Variants in DOP1A observed in about 807,000 individuals in gnomAD.
DOP1A encodes DOP1 leucine zipper like protein A, also known as protein DOP1A.
A neutral mutation model predicts 267.6 loss-of-function variants in DOP1A; 90 were observed. That is an observed-to-expected ratio of 0.34 (90% CI 0.28 to 0.40). The LOEUF (loss-of-function observed/expected upper bound fraction) is 0.40, where lower values mean the gene tolerates loss of function less well. DOP1A is among the 10% of genes least tolerant of loss of function. The probability of loss-of-function intolerance (pLI) is 1.00; values close to 1 mark genes in which losing one functional copy is unlikely to be tolerated. For synonymous variants in DOP1A, 932 were observed against 999.1 expected (o/e 0.93, Z 1.27); for missense variants, 2,437 against 2,900.4 (o/e 0.84, Z 3.67).
chr6:83,128,836 A>C, intron 15 of DOP1A, 51 bp from the exon 16 acceptor site: 1 of 1,504,788 alleles, frequency 6.6e-7, no homozygotes, highest in South Asian at 1.4e-5. Flanking sequence ...CTAATTCCTA[A>C]TATGTACACT....
intron 6 of DOP1A, 149 bp downstream of exon 6, chr6:83,110,463 AATT>A (rs1774360023): frequency 1.5e-5 from 12 of 791,594 alleles, no homozygotes; most frequent in Admixed American, 6.9e-5. Flanking sequence ...CCAAAATAAT[AATT>A]ATTATTTTTA....
At chr6:83,096,144 A>G (rs1337288200) in intron 1 of DOP1A, among the ~76,000 whole-genome samples, 1 of 152,082 alleles carries the variant, frequency 6.6e-6, no homozygotes, top group African/African-American at 2.4e-5. Context: ...GTCTTGCTCT[A>G]TCACCCAGTC....
chr6:83,155,953 C>T lies in DOP1A; in HGVS notation c.6454C>T (p.Arg2152Cys), dbSNP rs1487096472. 4 of 1,604,594 alleles carry T rather than the reference C, an allele frequency of 2.5e-6. No individual in the cohort carries two copies. Among genetic ancestry groups the T allele is most frequent in the African/African-American group, 1.3e-5 (1 of 74,302 alleles). Residue 2152 changes from arginine to cysteine, a missense_variant and splice_region_variant, in exon 34 of 39, where the codon CGT becomes TGT. This residue lies in a region of DOP1A where 75 missense variants were observed against 149.6 expected (regional missense o/e 0.50). Transcript: ENST00000349129. ...DKTTFRDLMT[R>C]VAVAQSSSLN... The stretch of plus-strand genomic sequence containing the variant: ...GTCTCTTTCACTTGCTTTTTCAGCT[C>T]GTGTAGCAGTGGCTCAAAGCAGTTC...
At chr6:83,110,434 T>A in intron 6 of DOP1A, 120 bp downstream of exon 6, 2 of 1,038,952 alleles carry the variant, frequency 1.9e-6, no homozygotes, top group Non-Finnish European at 2.7e-6. Context: ...AGCTTACATT[T>A]ATCAAGGAAA....
Position 83,151,669 on chromosome 6 carries a change from T to G in DOP1A, c.5904+10T>G, listed in dbSNP as rs1437482425. On this transcript the variant is annotated intron_variant, in intron 28 of 38. Transcript: ENST00000349129. ...CCAAAGAGACCTTCAGGTAAGGCAG[T>G]CTAAGAGCTGTTGCCAAAACTGTTT... 2 of 1,593,788 alleles carry G rather than the reference T, an allele frequency of 1.3e-6. No individual in the cohort carries two copies. The highest frequency in any genetic ancestry group is 2.2e-5 in the East Asian group (1 of 44,726).
At position 83,131,119 on chromosome 6, in the gene DOP1A, C is replaced by T. The variant is rs189658019; in HGVS notation, c.2616+722C>T. Among the ~76,000 whole-genome samples, 217 of 152,106 alleles carry T rather than the reference C, an allele frequency of 1.4e-3. 1 individual carries two copies. Among genetic ancestry groups the T allele is most frequent in the African/African-American group, 4.9e-3 (204 of 41,496 alleles). ...CATATTGTCTCATTATCATCTGTGG[C>T]GTATAAAGTCACTCAGAAAAAAATT... On this transcript the variant is annotated intron_variant, in intron 17 of 38. Coordinates refer to ENST00000349129, the MANE Select transcript of DOP1A (RefSeq NM_015018.4).
At chr6:83,079,628 A>T (rs1198804151) in intron 1 of DOP1A, among the ~76,000 whole-genome samples, 2 of 152,158 alleles carry the variant, frequency 1.3e-5, no homozygotes, top group African/African-American at 4.8e-5. Context: ...TAATTTTTAA[A>T]TATATTGGTT....
At chr6:83,132,061 A>G (rs1426082930) in intron 17 of DOP1A, 115 bp from the exon 18 acceptor site, 1 of 1,262,302 alleles carries the variant, frequency 7.9e-7, no homozygotes, top group Non-Finnish European at 1.1e-6. Flanking sequence ...GCAGTAGAAT[A>G]TTAAAAGCCT....
intron 1 of DOP1A, among the ~76,000 whole-genome samples, chr6:83,077,926 C>G (rs1767409359): frequency 6.6e-6 from 1 of 152,106 alleles, no homozygotes; most frequent in South Asian, 2.1e-4. Context: ...ATTTCTTGGG[C>G]CACATTCAAA....
At chr6:83,097,782 G>A (rs1771762365) in intron 3 of DOP1A, among the ~76,000 whole-genome samples, 1 of 151,582 alleles carries the variant, frequency 6.6e-6, no homozygotes, top group South Asian at 2.1e-4. Flanking sequence ...TTATTGAATG[G>A]GAGTGTTTCT....
At chr6:83,074,413 G>A (rs1476789241) in intron 1 of DOP1A, among the ~76,000 whole-genome samples, 4 of 151,908 alleles carry the variant, frequency 2.6e-5, no homozygotes, top group Admixed American at 6.6e-5. Context: ...CCATAAATGG[G>A]GCATAATTCA....
intron 6 of DOP1A, 88 bp from the exon 7 acceptor site, chr6:83,113,235 T>C: frequency 4.3e-6 from 4 of 921,596 alleles, no homozygotes; most frequent in East Asian, 2.5e-5. Context: ...AGAAGCATAC[T>C]TTCGAGAAAA....
At chr6:83,123,026 C>A (rs748817124) in intron 12 of DOP1A, 44 bp downstream of exon 12, 1 of 1,555,120 alleles carries the variant, frequency 6.4e-7, no homozygotes. Flanking sequence ...ACATCTAAAG[C>A]TAACCTTTGG....
At chr6:83,134,941 T>C (rs1250957997) in intron 19 of DOP1A, among the ~76,000 whole-genome samples, 1 of 152,176 alleles carries the variant, frequency 6.6e-6, no homozygotes, top group East Asian at 1.9e-4. Context: ...TTATTTCAGC[T>C]GGTGCTTTTC....
chr6:83,087,378 T>C (rs1769463295), intron 1 of DOP1A, among the ~76,000 whole-genome samples: 1 of 152,100 alleles, frequency 6.6e-6, no homozygotes, highest in Non-Finnish European at 1.5e-5. Flanking sequence ...GATTGTATGA[T>C]TTTTTTCTCC....
chr6:83,125,846 A>G lies in DOP1A; in HGVS notation c.1719+113A>G, dbSNP rs942751762. 6 of 939,088 alleles carry G rather than the reference A, an allele frequency of 6.4e-6. No homozygotes were observed. The African/African-American group carries it at 1.0e-4, about 16-fold the overall frequency. 58.2% of individuals were successfully genotyped at this position (939,088 alleles called of 1,614,324 possible). A position where few individuals can be genotyped will look rare whatever the true frequency, so the allele number is the denominator to read the frequency against. ...ATTTAAATAATAGTGAGTCTTTCCT[A>G]GATCCAAATGCAGTGTTAGTAGGCT... On this transcript the variant is annotated intron_variant, in intron 15 of 38. Transcript: ENST00000349129.
chr6:83,071,546 G>A (rs982471598), intron 1 of DOP1A, among the ~76,000 whole-genome samples: 2 of 151,916 alleles, frequency 1.3e-5, no homozygotes, highest in East Asian at 1.9e-4. Flanking sequence ...CTCTGCCCTC[G>A]GATCTTATAA....
intron 12 of DOP1A, among the ~76,000 whole-genome samples, chr6:83,124,201 T>C (rs1425957463): frequency 6.6e-6 from 1 of 152,096 alleles, no homozygotes; most frequent in African/African-American, 2.4e-5. Context: ...TATGATTTAA[T>C]GTGAATGTTT....
intron 37 of DOP1A, 57 bp downstream of exon 37, chr6:83,160,017 A>T: frequency 6.4e-7 from 1 of 1,554,058 alleles, no homozygotes; most frequent in Non-Finnish European, 8.8e-7. Flanking sequence ...TGCTTTGGTC[A>T]CTGACATCTA....
Sources: allele counts gnomAD v4.1 joint callset (sites outside exome capture counted in the v4.1 genomes callset), GRCh38; gene constraint gnomAD v4.1.1; regional missense constraint gnomAD v4.1.1; transcripts MANE v1.5; gene names NCBI Gene and HGNC (gene_info 2026-07-23, HGNC 2026-07-21).